CLDN22: variants seen among roughly 807,000 people sequenced by gnomAD.
The protein encoded by CLDN22 is claudin 22.
For synonymous variants in CLDN22, 86 were observed against 107.9 expected, an observed-to-expected ratio of 0.80 and a Z score of 1.26; for missense variants, 227 against 252.2, an observed-to-expected ratio of 0.90 and a Z score of 0.68.
rs1739518197 is a variant in CLDN22, at chr4:183,318,503, AAAGC to A, written c.*1049_*1052del. 1 of 152,380 alleles carries A rather than the reference AAAGC, an allele frequency of 6.6e-6. No homozygotes were observed. Among genetic ancestry groups the A allele is most frequent in the African/African-American group, 2.4e-5 (1 of 41,380 alleles). 9.4% of individuals were successfully genotyped at this position (152,380 alleles called of 1,614,324 possible). ...AATTCAGTGGTTTTTTTTAAAAAAAAAAGCAAAAACAAAGCTACATATTGCCTAA... is the reference window on the plus strand; with the variant it reads ...AATTCAGTGGTTTTTTTTAAAAAAAAAAAAACAAAGCTACATATTGCCTAA... On this transcript the variant is annotated 3_prime_UTR_variant, in exon 1 of 1. Coordinates refer to ENST00000323319, the MANE Select transcript of CLDN22 (RefSeq NM_001111319.3).
Position 183,319,913 on chromosome 4 carries a change from C to T in CLDN22, c.306G>A (p.Leu102=), listed in dbSNP as rs1460330747. ...FLGLLVSGFG[L]DCLRIGESQR... ...GACTCTCTCCAATTCTCAAACAGTC[C>T]AGGCCAAACCCAGAGACCAGCAGGC... The change falls in exon 1 of 1, where the codon CTG becomes CTA. Residue 102 remains leucine (L), a synonymous_variant. Transcript: ENST00000323319. The T allele has an allele frequency of 6.2e-7, 1 of 1,613,844 alleles. No individual in the cohort carries two copies. Among genetic ancestry groups the T allele is most frequent in the South Asian group, 1.1e-5 (1 of 91,048 alleles).
Position 183,320,004 on chromosome 4 carries a change from G to A in CLDN22, c.215C>T (p.Ala72Val). 1 of 1,613,914 alleles carries A rather than the reference G, an allele frequency of 6.2e-7. No individual in the cohort carries two copies. Residue 72 changes from alanine (A) to valine (V), a missense_variant, in exon 1 of 1, where the codon GCT becomes GTT. Ala to Val is a moderately conservative substitution (Grantham distance 64). Transcript: ENST00000323319. ...GGAGACCCTGAGTTCAGCAGGCAAA[G>A]CCAGGAAGGAGTCAAAGTCCTTGCA... ...MQCKDFDSFL[A>V]LPAELRVSRI...
Position 183,320,252 on chromosome 4 carries a change from C to G in CLDN22, c.-34G>C. ...CCTGAGAGCTTTAGCCAAACTAACT[C>G]CTGCCCTTCGGTTGCTGTGAAAAGA... On this transcript the variant is annotated 5_prime_UTR_variant, in exon 1 of 1. Transcript: ENST00000323319. The G allele has an allele frequency of 6.4e-7, 1 of 1,571,104 alleles. No homozygotes were observed. The highest frequency in any genetic ancestry group is 8.6e-7 in the Non-Finnish European group (1 of 1,157,452).
Position 183,320,061 on chromosome 4 carries a change from G to T in CLDN22, c.158C>A (p.Thr53Asn). 6.2e-7 allele frequency: 1 copy of T among 1,614,116 alleles called. No individual in the cohort carries two copies. The highest frequency in any genetic ancestry group is 1.1e-5 in the South Asian group (1 of 91,076). ...MENWTMGLWQ[T>N]CVIQEEVGMQ... ...CCCCACTTCCTCTTGGATGACACAG[G>T]TTTGCCAGAGTCCCATGGTCCAGTT... The change falls in exon 1 of 1, where the codon ACC becomes AAC. Residue 53 changes from threonine to asparagine, a missense_variant. Thr to Asn is a moderately conservative substitution (Grantham distance 65). Coordinates refer to ENST00000323319, the MANE Select transcript of CLDN22 (RefSeq NM_001111319.3).
chr4:183,319,139 G>A lies in CLDN22; in HGVS notation c.*417C>T, dbSNP rs1739546176. ...TAGTAATTATTTTATATAATAAGAC[G>A]TCATGCATTTTAAATAAATATGCAA... On this transcript the variant is annotated 3_prime_UTR_variant, in exon 1 of 1. Transcript: ENST00000323319. 6.2e-6 allele frequency: 1 copy of A among 161,256 alleles called. No homozygotes were observed. The highest frequency in any genetic ancestry group is 5.7e-5 in the Admixed American group (1 of 17,394). 10.0% of individuals were successfully genotyped at this position (161,256 alleles called of 1,614,324 possible). A position where few individuals can be genotyped will look rare whatever the true frequency, so the allele number is the denominator to read the frequency against.
Position 183,318,204 on chromosome 4 carries a change from C to T in CLDN22, c.*1352G>A, listed in dbSNP as rs1418670731. 6.6e-6 allele frequency: 1 copy of T among 152,534 alleles called. No individual in the cohort carries two copies. The highest frequency in any genetic ancestry group is 2.4e-5 in the African/African-American group (1 of 41,416). The allele number at this position is 152,534 out of a possible 1,614,324, so 9.4% of individuals were successfully genotyped here. A position where few individuals can be genotyped will look rare whatever the true frequency, so the allele number is the denominator to read the frequency against. ...TTATTACAATTTTGTATATCAGAAT[C>T]TTAAGTGTTACAGGTACAAAAAGAA... On this transcript the variant is annotated 3_prime_UTR_variant, in exon 1 of 1. Coordinates refer to ENST00000323319, the MANE Select transcript of CLDN22 (RefSeq NM_001111319.3).
chr4:183,318,204 C>G lies in CLDN22; in HGVS notation c.*1352G>C, dbSNP rs1418670731. The stretch of plus-strand genomic sequence containing the variant: ...TTATTACAATTTTGTATATCAGAAT[C>G]TTAAGTGTTACAGGTACAAAAAGAA... On this transcript the variant is annotated 3_prime_UTR_variant, in exon 1 of 1. Transcript: ENST00000323319. 6.6e-6 allele frequency: 1 copy of G among 152,534 alleles called. No individual in the cohort carries two copies. The highest frequency in any genetic ancestry group is 6.5e-5 in the Admixed American group (1 of 15,278). The allele number at this position is 152,534 out of a possible 1,614,324, so 9.4% of individuals were successfully genotyped here.
At position 183,318,125 on chromosome 4, in the gene CLDN22, G is replaced by A. The variant is rs904454649; in HGVS notation, c.*1431C>T. On this transcript the variant is annotated 3_prime_UTR_variant, in exon 1 of 1. Coordinates refer to ENST00000323319, the MANE Select transcript of CLDN22 (RefSeq NM_001111319.3). ...TATTTTTAAAAGGTAGAATTTATTC[G>A]CACAGGGTAAAAAGAATGTAATATT... The A allele has an allele frequency of 1.8e-4, 27 of 152,026 alleles. No individual in the cohort carries two copies. The highest frequency in any genetic ancestry group is 3.2e-3 in the Middle Eastern group (1 of 314). The allele number at this position is 152,026 out of a possible 1,614,324, so 9.4% of individuals were successfully genotyped here.
In CLDN22 at chr4:183,319,768, C is replaced by T. The variant is rs771820593; in HGVS notation, c.451G>A (p.Glu151Lys). The change falls in exon 1 of 1, where the codon GAG becomes AAG. Residue 151 changes from glutamate to lysine, a missense_variant. Coordinates refer to ENST00000323319, the MANE Select transcript of CLDN22 (RefSeq NM_001111319.3). ...AHKTVQEFWD[E>K]NVPDFVPRWE... ...CTGGGGACAAAGTCTGGGACGTTCT[C>T]ATCCCAGAACTCCTGAACCGTCTTG... 1.6e-5 allele frequency: 26 copies of T among 1,613,928 alleles called. No individual in the cohort carries two copies. Among genetic ancestry groups the T allele is most frequent in the South Asian group, 5.5e-5 (5 of 91,072 alleles).
Position 183,318,426 on chromosome 4 carries a change from T to C in CLDN22, c.*1130A>G, listed in dbSNP as rs1739513463. ...TTGTTTGTAAACGTATGCAAATACA[T>C]CACATAGATTAACTGGTTTCTGCAC... On this transcript the variant is annotated 3_prime_UTR_variant, in exon 1 of 1. Coordinates refer to ENST00000323319, the MANE Select transcript of CLDN22 (RefSeq NM_001111319.3). 6.6e-6 allele frequency: 1 copy of C among 152,568 alleles called. No homozygotes were observed. Among genetic ancestry groups the C allele is most frequent in the African/African-American group, 2.4e-5 (1 of 41,438 alleles). 9.5% of individuals were successfully genotyped at this position (152,568 alleles called of 1,614,324 possible). A position where few individuals can be genotyped will look rare whatever the true frequency, so the allele number is the denominator to read the frequency against.
rs1739578956 is a variant in CLDN22, at chr4:183,319,867, G to A, written c.352C>T (p.Leu118=). ...GACAGAATTCCTCCCAGGATCAGCAGTCGCCTCTTGAGATCTCTCTGACTC... is the reference window on the plus strand; with the variant it reads ...GACAGAATTCCTCCCAGGATCAGCAATCGCCTCTTGAGATCTCTCTGACTC... ...GESQRDLKRR[L]LILGGILSWA... is the part of the protein sequence containing the mutation. Residue 118 remains leucine, a synonymous_variant, in exon 1 of 1, where the codon CTG becomes TTG. Coordinates refer to ENST00000323319, the MANE Select transcript of CLDN22 (RefSeq NM_001111319.3). 6.2e-7 allele frequency: 1 copy of A among 1,613,948 alleles called. No individual in the cohort carries two copies. The highest frequency in any genetic ancestry group is 1.3e-5 in the African/African-American group (1 of 75,022).
rs1422459923 is a variant in CLDN22, at chr4:183,319,235, C to G, written c.*321G>C. 2 of 213,464 alleles carry G rather than the reference C, an allele frequency of 9.4e-6. No homozygotes were observed. The highest frequency in any genetic ancestry group is 1.0e-4 in the Admixed American group (2 of 19,672). 13.2% of individuals were successfully genotyped at this position (213,464 alleles called of 1,614,324 possible). A position where few individuals can be genotyped will look rare whatever the true frequency, so the allele number is the denominator to read the frequency against. ...TAAGTAAATGATTTGCCAAATGATT[C>G]CGCTCCATATGAATAATACCTTCAA... On this transcript the variant is annotated 3_prime_UTR_variant, in exon 1 of 1. Transcript: ENST00000323319.
chr4:183,319,100 A>G lies in CLDN22; in HGVS notation c.*456T>C, dbSNP rs182541578. ...ATGTGTCTACACCTTTCACCTCTGAAGCTTCTAAAGAGCTAGTAATTATTT... is the reference window on the plus strand; with the variant it reads ...ATGTGTCTACACCTTTCACCTCTGAGGCTTCTAAAGAGCTAGTAATTATTT... On this transcript the variant is annotated 3_prime_UTR_variant, in exon 1 of 1. Coordinates refer to ENST00000323319, the MANE Select transcript of CLDN22 (RefSeq NM_001111319.3). The G allele has an allele frequency of 7.6e-5, 12 of 158,628 alleles. No individual in the cohort carries two copies. The highest frequency in any genetic ancestry group is 4.1e-4 in the Admixed American group (7 of 16,878). The allele number at this position is 158,628 out of a possible 1,614,324, so 9.8% of individuals were successfully genotyped here. A position where few individuals can be genotyped will look rare whatever the true frequency, so the allele number is the denominator to read the frequency against.
In CLDN22 at chr4:183,319,528, T is replaced by C. The variant is rs751347206; in HGVS notation, c.*28A>G. ...AATCCAGTGTTGAGCAAGCGTCTCC[T>C]GAACAGCAGACGCTTGTCCTTTCTG... On this transcript the variant is annotated 3_prime_UTR_variant, in exon 1 of 1. Transcript: ENST00000323319. 9.5e-6 allele frequency: 15 copies of C among 1,575,924 alleles called. No homozygotes were observed. The highest frequency in any genetic ancestry group is 1.3e-5 in the Non-Finnish European group (15 of 1,162,412).
chr4:183,320,038 C>T lies in CLDN22; in HGVS notation c.181G>A (p.Gly61Arg), dbSNP rs2111142349. 3.1e-6 allele frequency: 5 copies of T among 1,614,044 alleles called. No individual in the cohort carries two copies. Among genetic ancestry groups the T allele is most frequent in the Middle Eastern group, 1.6e-4 (1 of 6,062 alleles). The change falls in exon 1 of 1, where the codon GGG (glycine) becomes AGG (arginine). Residue 61 changes from glycine (G) to arginine (R), a missense_variant. Gly to Arg is a moderately radical substitution (Grantham distance 125, BLOSUM62 -2). Transcript: ENST00000323319. ...GAGTCAAAGTCCTTGCATTGCATCC[C>T]CACTTCCTCTTGGATGACACAGGTT... ...WQTCVIQEEVGMQCKDFDSFL... is the reference protein window; with the variant it reads ...WQTCVIQEEVRMQCKDFDSFL...
Position 183,320,236 on chromosome 4 carries a change from T to G in CLDN22, c.-18A>C, listed in dbSNP as rs1184461043. The G allele has an allele frequency of 6.3e-7, 1 of 1,595,520 alleles. No homozygotes were observed. The highest frequency in any genetic ancestry group is 1.8e-5 in the Admixed American group (1 of 57,126). The stretch of plus-strand genomic sequence containing the variant: ...AAAGCCATTATAATGTCCTGAGAGC[T>G]TTAGCCAAACTAACTCCTGCCCTTC... On this transcript the variant is annotated 5_prime_UTR_variant, in exon 1 of 1. Transcript: ENST00000323319.
rs1335240086 is a variant in CLDN22, at chr4:183,320,126, T to A, written c.93A>T (p.Pro31=). The A allele has an allele frequency of 4.3e-6, 7 of 1,614,050 alleles. No individual in the cohort carries two copies. In the African/African-American group the frequency reaches 9.3e-5, roughly 22 times the overall value. ...WVLSCLTNYL[P]HWKNLNLDLN... ...AGTCCAGGTTGAGGTTCTTCCAGTG[T>A]GGCAGGTAGTTTGTAAGACAGGATA... is the stretch of plus-strand genomic sequence containing the variant. Residue 31 remains proline, a synonymous_variant, in exon 1 of 1, where the codon CCA becomes CCT. Coordinates refer to ENST00000323319, the MANE Select transcript of CLDN22 (RefSeq NM_001111319.3).
Position 183,319,406 on chromosome 4 carries a change from A to T in CLDN22, c.*150T>A. 1 of 854,406 alleles carries T rather than the reference A, an allele frequency of 1.2e-6. No homozygotes were observed. The highest frequency in any genetic ancestry group is 1.8e-6 in the Non-Finnish European group (1 of 551,776). The allele number at this position is 854,406 out of a possible 1,614,324, so 52.9% of individuals were successfully genotyped here. A position where few individuals can be genotyped will look rare whatever the true frequency, so the allele number is the denominator to read the frequency against. ...GACTAGAAGATAAAAATGGTTTACC[A>T]GTCTTGGAAAGAAACTATAGTTTAA... On this transcript the variant is annotated 3_prime_UTR_variant, in exon 1 of 1. Coordinates refer to ENST00000323319, the MANE Select transcript of CLDN22 (RefSeq NM_001111319.3).
Position 183,318,641 on chromosome 4 carries a change from A to G in CLDN22, c.*915T>C, listed in dbSNP as rs1318000155. ...CAAATACAAAATATTTCATGAAGAAATCCCCAGGCTGGCAGTTTGTGATGA... is the reference window on the plus strand; with the variant it reads ...CAAATACAAAATATTTCATGAAGAAGTCCCCAGGCTGGCAGTTTGTGATGA... On this transcript the variant is annotated 3_prime_UTR_variant, in exon 1 of 1. Coordinates refer to ENST00000323319, the MANE Select transcript of CLDN22 (RefSeq NM_001111319.3). 1 of 152,258 alleles carries G rather than the reference A, an allele frequency of 6.6e-6. No individual in the cohort carries two copies. Among genetic ancestry groups the G allele is most frequent in the Admixed American group, 6.5e-5 (1 of 15,290 alleles). 9.4% of individuals were successfully genotyped at this position (152,258 alleles called of 1,614,324 possible).
Sources: allele counts gnomAD v4.1 joint callset, GRCh38; gene constraint gnomAD v4.1.1; transcripts MANE v1.5; gene names NCBI Gene and HGNC (gene_info 2026-07-23, HGNC 2026-07-21).